SEH1L: variants seen among roughly 807,000 people sequenced by gnomAD.
The protein encoded by SEH1L is nucleoporin SEH1.
SEH1L carries 18 observed loss-of-function variants against 49.5 expected under a neutral mutation model. That is an observed-to-expected ratio of 0.36 (90% CI 0.25 to 0.54). SEH1L has a LOEUF of 0.54. SEH1L is among the 20% of genes least tolerant of loss of function. SEH1L has a pLI of 0.87. For synonymous variants in SEH1L, 169 were observed against 178.1 expected (o/e 0.95, Z 0.41); for missense variants, 404 against 528.8 (o/e 0.76, Z 2.31).
rs1294721401 is a variant in SEH1L, at chr18:12,984,203, A to T, written c.1070+13A>T. 1 of 1,612,066 alleles carries T rather than the reference A, an allele frequency of 6.2e-7. No homozygotes were observed. The highest frequency in any genetic ancestry group is 1.7e-5 in the Admixed American group (1 of 59,874). ...CTTCTGCTGGCAGGTAGGCTGCTTC[A>T]TGGGAAAACTGGAAATCATCTTTGT... On this transcript the variant is annotated intron_variant, in intron 8 of 8. Transcript: ENST00000399892.
chr18:12,979,983 G>A (rs1312610048), intron 6 of SEH1L, among the ~76,000 whole-genome samples: 2 of 137,964 alleles, frequency 1.4e-5, no homozygotes, highest in African/African-American at 5.4e-5. Flanking sequence ...CGGACGGGGC[G>A]GCTGGCCGGG....
At chr18:12,976,779 A>G (rs1568225909) in intron 5 of SEH1L, 2 of 152,154 alleles carry the variant, frequency 1.3e-5, no homozygotes, top group Admixed American at 6.6e-5. Flanking sequence ...CCTGGCTAAC[A>G]TGGTGAAACC....
At chr18:12,981,327 C>T (rs1390056036) in intron 6 of SEH1L, among the ~76,000 whole-genome samples, 6 of 152,188 alleles carry the variant, frequency 3.9e-5, no homozygotes, top group South Asian at 2.1e-4. Flanking sequence ...GCTGCAATCT[C>T]GGCACTTTGG....
At chr18:12,979,553 C>A (rs2145659072) in intron 6 of SEH1L, among the ~76,000 whole-genome samples, 1 of 152,330 alleles carries the variant, frequency 6.6e-6, no homozygotes, top group East Asian at 1.9e-4. Flanking sequence ...CCACCATTGT[C>A]ATCATGGCCT....
rs754359932 is a variant in SEH1L at position 12,982,622 on chromosome 18, C to T, written c.866C>T (p.Thr289Ile). ...GTCTGGCGAGTGAGTTGGAATATAACAGGAACGGTGCTAGCATCTTCAGGA... is the reference window on the plus strand; with the variant it reads ...GTCTGGCGAGTGAGTTGGAATATAATAGGAACGGTGCTAGCATCTTCAGGA... ...SQVWRVSWNITGTVLASSGDD... is the reference protein window; with the variant it reads ...SQVWRVSWNIIGTVLASSGDD... Residue 289 changes from threonine (T) to isoleucine (I), a missense_variant, in exon 7 of 9, where the codon ACA (threonine) becomes ATA (isoleucine). By Grantham distance (89) the Thr-to-Ile change is moderately conservative. Around this residue, in one of 3 missense-constraint regions of SEH1L, gnomAD observed 342 missense variants for 430.8 expected, o/e 0.79. Transcript: ENST00000399892. 2 of 1,613,768 alleles carry T rather than the reference C, an allele frequency of 1.2e-6. No individual in the cohort carries two copies. The highest frequency in any genetic ancestry group is 8.5e-7 in the Non-Finnish European group (1 of 1,179,792).
At chr18:12,955,034 ATGTTAT>A (rs1449307052) in intron 2 of SEH1L, among the ~76,000 whole-genome samples, 3 of 152,182 alleles carry the variant, frequency 2.0e-5, no homozygotes, top group African/African-American at 7.2e-5. Context: ...AATAAATCTA[ATGTTAT>A]TTATTTTATT....
At chr18:12,976,765 C>T (rs760800943) in intron 5 of SEH1L, 2 of 152,096 alleles carry the variant, frequency 1.3e-5, no homozygotes, top group Non-Finnish European at 2.9e-5. Context: ...AAGATCGAGA[C>T]CATCCTGGCT....
intron 2 of SEH1L, among the ~76,000 whole-genome samples, chr18:12,952,849 T>C (rs1312933790): frequency 1.3e-5 from 2 of 150,910 alleles, no homozygotes; most frequent in East Asian, 3.9e-4. Flanking sequence ...TGGTGCGATG[T>C]TGGCTCGTTG....
At chr18:12,981,916 G>T (rs1451833382) in intron 6 of SEH1L, among the ~76,000 whole-genome samples, 2 of 140,072 alleles carry the variant, frequency 1.4e-5, no homozygotes, top group African/African-American at 5.4e-5. Context: ...CTGGAGGGCA[G>T]TGGCTTGATC....
At chr18:12,953,721 G>A (rs2030688756) in intron 2 of SEH1L, among the ~76,000 whole-genome samples, 1 of 152,082 alleles carries the variant, frequency 6.6e-6, no homozygotes, top group South Asian at 2.1e-4. Flanking sequence ...CAATTAATTG[G>A]CATTTACTTC....
chr18:12,956,189 C>T (rs1478006327), intron 3 of SEH1L, among the ~76,000 whole-genome samples: 6 of 151,832 alleles, frequency 4.0e-5, no homozygotes, highest in Admixed American at 1.3e-4. Context: ...GGACTACAGG[C>T]GCCCGCCACC....
chr18:12,986,841 T>C (rs2032480832), intron 8 of SEH1L, 21 bp from the exon 9 acceptor site: 1 of 1,438,792 alleles, frequency 7.0e-7, no homozygotes, highest in East Asian at 2.5e-5. Flanking sequence ...TGGTGTTTTG[T>C]TCCTGTCTTC....
intron 3 of SEH1L, among the ~76,000 whole-genome samples, chr18:12,956,049 CTTT>C (rs869047416): frequency 7.5e-6 from 1 of 133,938 alleles, no homozygotes. Context: ...TAATAAAATT[CTTT>C]TTTTTTTTTT....
chr18:12,986,142 CT>C lies in SEH1L; in HGVS notation c.1071-718del, dbSNP rs2032449023. On this transcript the variant is annotated intron_variant, in intron 8 of 8. Coordinates refer to ENST00000399892, the MANE Select transcript of SEH1L (RefSeq NM_001013437.2). ...TCAGCATTCCATGTCTCAAGATTTT[CT>C]TAATTTAGTTCGCTGTTTAAATTAA... 12 of 984,010 alleles carry C rather than the reference CT, an allele frequency of 1.2e-5. No individual in the cohort carries two copies. In the South Asian group the frequency reaches 5.6e-4, roughly 46 times the overall value. 61.0% of individuals were successfully genotyped at this position (984,010 alleles called of 1,614,324 possible).
Position 12,971,634 on chromosome 18 carries a change from CA to C in SEH1L, c.620+394del, listed in dbSNP as rs563028729. The C allele has an allele frequency of 3.3e-3, 434 of 130,930 alleles. 2 individuals carry two copies. The highest frequency in any genetic ancestry group is 4.8e-3 in the Non-Finnish European group (307 of 63,384). The allele number at this position is 130,930 out of a possible 1,614,324, so 8.1% of individuals were successfully genotyped here. On this transcript the variant is annotated intron_variant, in intron 5 of 8. Transcript: ENST00000399892. The stretch of plus-strand genomic sequence containing the variant: ...GGGCAACAAGAGCGAAACCCTGCCT[CA>C]AAAAAAAAAAGAGGAGAAGGTAATT...
At chr18:12,952,818 G>T (rs1354372614) in intron 2 of SEH1L, among the ~76,000 whole-genome samples, 2 of 122,312 alleles carry the variant, frequency 1.6e-5, no homozygotes, top group Non-Finnish European at 3.2e-5. Context: ...GTCTTGCTCT[G>T]TCGCCCAGGC....
chr18:12,977,718 A>C (rs1029870980), intron 5 of SEH1L: 7 of 152,224 alleles, frequency 4.6e-5, no homozygotes, highest in Non-Finnish European at 8.8e-5. Context: ...ACTGTCTCAA[A>C]AAAACCTCAA....
At chr18:12,977,546 G>A (rs1295951159) in intron 5 of SEH1L, 2 of 152,200 alleles carry the variant, frequency 1.3e-5, no homozygotes, top group Non-Finnish European at 2.9e-5. Context: ...CCAACATGGT[G>A]AAACCCTGTC....
Position 12,979,365 on chromosome 18 carries a change from C to T in SEH1L, c.761+473C>T, listed in dbSNP as rs1203791549. Among the ~76,000 whole-genome samples, 9 of 149,412 alleles carry T rather than the reference C, an allele frequency of 6.0e-5. No individual in the cohort carries two copies. The East Asian group carries it at 1.8e-3, about 29-fold the overall frequency. On this transcript the variant is annotated intron_variant, in intron 6 of 8. Transcript: ENST00000399892. ...CCCTGAGTGGACACAGCACATGTTT[C>T]AGAGAGCACAGGGTTGGGGGTAAGG...
Sources: gnomAD v4.1 joint callset for allele counts (sites outside exome capture counted in the v4.1 genomes callset) on GRCh38, gnomAD v4.1.1 for gene constraint, gnomAD v4.1.1 regional missense constraint, MANE v1.5 for transcripts, NCBI Gene and HGNC (gene_info 2026-07-23, HGNC 2026-07-21) for gene names.